Variants in KCNG2 observed in about 807,000 individuals in gnomAD.
The protein encoded by KCNG2 is voltage-gated potassium channel regulatory subunit KCNG2.
KCNG2 carries 7 observed loss-of-function variants against 12.3 expected under a neutral mutation model. The ratio of observed to expected loss-of-function variants is 0.57; its 90% CI spans 0.32 to 1.07. The LOEUF is 1.07. KCNG2 is among the 50% of genes least tolerant of loss of function. KCNG2 has a pLI of 0.04. For synonymous variants in KCNG2, 414 were observed against 351.4 expected (o/e 1.18, Z -1.99); for missense variants, 703 against 726.0 (o/e 0.97, Z 0.36).
intron 1 of KCNG2, among the ~76,000 whole-genome samples, chr18:79,851,835 AAT>A (rs1198833801): frequency 4.6e-5 from 7 of 151,954 alleles, no homozygotes; most frequent in Non-Finnish European, 1.0e-4. Flanking sequence ...GGTGTGTGTG[AAT>A]ATGAGTGTGT....
At chr18:79,858,362 C>T (rs1039947201) in intron 2 of KCNG2, among the ~76,000 whole-genome samples, 6 of 152,222 alleles carry the variant, frequency 3.9e-5, no homozygotes, top group African/African-American at 1.4e-4. Flanking sequence ...GCTTCTTTCT[C>T]TTAGCATAGG....
At chr18:79,825,524 C>T (rs1346443127) in intron 1 of KCNG2, among the ~76,000 whole-genome samples, 2 of 152,180 alleles carry the variant, frequency 1.3e-5, no homozygotes, top group East Asian at 3.9e-4. Flanking sequence ...ATAGCTTTAA[C>T]GCCTGAGAGT....
intron 1 of KCNG2, among the ~76,000 whole-genome samples, chr18:79,855,644 T>C (rs1978983268): frequency 6.6e-6 from 1 of 151,984 alleles, no homozygotes; most frequent in Non-Finnish European, 1.5e-5. Context: ...TGAAACCTTC[T>C]GGTACTGGCT....
intron 3 of KCNG2, among the ~76,000 whole-genome samples, chr18:79,873,097 GCAGGGTGGGC>G (rs1359630114): frequency 6.6e-6 from 1 of 152,208 alleles, no homozygotes; most frequent in African/African-American, 2.4e-5. Flanking sequence ...AGGATGGGCA[GCAGGGTGGGC>G]CAGGGTGGTT....
rs1164781701 is a variant in KCNG2, at chr18:79,835,860, G to T, written c.-114-20519G>T. ...CAGTGGACCATGACAGGTTGTGTGTGTATAATGTAATACCTAGAACAGATA... is the reference window on the plus strand; with the variant it reads ...CAGTGGACCATGACAGGTTGTGTGTTTATAATGTAATACCTAGAACAGATA... On this transcript the variant is annotated intron_variant, in intron 1 of 3. Transcript: ENST00000316249. Among the ~76,000 whole-genome samples, 12 of 152,188 alleles carry T rather than the reference G, an allele frequency of 7.9e-5. 1 individual carries two copies.
intron 1 of KCNG2, among the ~76,000 whole-genome samples, chr18:79,802,454 G>A (rs982034494): frequency 9.2e-5 from 14 of 152,054 alleles, no homozygotes; most frequent in East Asian, 7.7e-4. Context: ...GCTCCGGTCC[G>A]GAGAGCCTGG....
intron 1 of KCNG2, among the ~76,000 whole-genome samples, chr18:79,819,359 G>T (rs1169435364): frequency 6.6e-6 from 1 of 152,226 alleles, no homozygotes; most frequent in Non-Finnish European, 1.5e-5. Context: ...TGGCTGTACG[G>T]GTGAGGCTGA....
At chr18:79,895,177 G>T (rs1432397505) in intron 3 of KCNG2, among the ~76,000 whole-genome samples, 1 of 151,064 alleles carries the variant, frequency 6.6e-6, no homozygotes, top group Non-Finnish European at 1.5e-5. Flanking sequence ...CTTTTGATTG[G>T]GTTGTTCACT....
At chr18:79,898,585 T>TG (rs1315381779) in intron 3 of KCNG2, among the ~76,000 whole-genome samples, 2 of 151,906 alleles carry the variant, frequency 1.3e-5, no homozygotes, top group East Asian at 1.9e-4. Flanking sequence ...GAGGTGGGGG[T>TG]GGGGGTCTGT....
Position 79,803,360 on chromosome 18 carries a change from C to G in KCNG2, c.-115+5346C>G, listed in dbSNP as rs1484027826. ...GAGGTTCACAGCCACTTCAAGATGA[C>G]AGTTTCTGACTGTGAACAAATTTCC... On this transcript the variant is annotated intron_variant, in intron 1 of 3. Coordinates refer to ENST00000316249, the MANE Select transcript of KCNG2 (RefSeq NM_012283.2). The surrounding 1 kb of genome is among the most constrained non-coding windows in gnomAD (Gnocchi z 4.5). Among the ~76,000 whole-genome samples, 1 of 152,224 alleles carries G rather than the reference C, an allele frequency of 6.6e-6. No homozygotes were observed. Among genetic ancestry groups the G allele is most frequent in the African/African-American group, 2.4e-5 (1 of 41,462 alleles).
chr18:79,882,774 TACACCTGCGCGTGG>T (rs1980353036), intron 3 of KCNG2, among the ~76,000 whole-genome samples: 1 of 145,008 alleles, frequency 6.9e-6, no homozygotes, highest in African/African-American at 2.5e-5. Flanking sequence ...GGAGGCCGGG[TACACCTGCGCGTGG>T]AGCGCGGAGG....
At chr18:79,842,334 A>C (rs1265135348) in intron 1 of KCNG2, among the ~76,000 whole-genome samples, 2 of 152,204 alleles carry the variant, frequency 1.3e-5, no homozygotes, top group African/African-American at 4.8e-5. Flanking sequence ...TTGCCCAGAT[A>C]ATCTCTGGGT....
intron 1 of KCNG2, among the ~76,000 whole-genome samples, chr18:79,854,485 G>A (rs572037212): frequency 3.3e-5 from 5 of 151,504 alleles, no homozygotes; most frequent in South Asian, 4.2e-4. Context: ...CCTGCCTTCC[G>A]TAAGGCTGGT....
At chr18:79,889,227 C>T (rs190794690) in intron 3 of KCNG2, among the ~76,000 whole-genome samples, 85 of 152,280 alleles carry the variant, frequency 5.6e-4, no homozygotes, top group African/African-American at 1.8e-3. Context: ...AATCCTTTGT[C>T]GTGAAGATTT....
At chr18:79,865,251 C>G (rs1348301900) in intron 3 of KCNG2, among the ~76,000 whole-genome samples, 3 of 108,540 alleles carry the variant, frequency 2.8e-5, no homozygotes, top group Non-Finnish European at 5.4e-5. Context: ...AGTGTGGGTG[C>G]TGAGGTCTGG....
intron 1 of KCNG2, among the ~76,000 whole-genome samples, chr18:79,847,177 C>T (rs1978655106): frequency 6.6e-6 from 1 of 152,246 alleles, no homozygotes; most frequent in African/African-American, 2.4e-5. Context: ...TGAGCTTCCT[C>T]CTTGCTTTGC....
rs147611590 is a variant in KCNG2 at position 79,853,853 on chromosome 18, G to A, written c.-114-2526G>A. On this transcript the variant is annotated intron_variant, in intron 1 of 3. Transcript: ENST00000316249. Reference sequence around the variant, plus strand: ...CCCGAGACGGGCGCCACCCCAGGGCGGGCACTACTTGAGTGGCAGGTGCCT... The same window carrying A: ...CCCGAGACGGGCGCCACCCCAGGGCAGGCACTACTTGAGTGGCAGGTGCCT... 3.7e-4 allele frequency among the ~76,000 whole-genome samples: 57 copies of A among 152,340 alleles called. No individual in the cohort carries two copies. The East Asian group carries it at 8.1e-3, about 22-fold the overall frequency.
chr18:79,821,905 C>G (rs888530257), intron 1 of KCNG2, among the ~76,000 whole-genome samples: 7 of 152,140 alleles, frequency 4.6e-5, no homozygotes, highest in African/African-American at 1.7e-4. Context: ...ATTGACTATT[C>G]GTGGTCCGTT....
chr18:79,804,995 G>C (rs1231010048), intron 1 of KCNG2, among the ~76,000 whole-genome samples: 40 of 152,144 alleles, frequency 2.6e-4, no homozygotes, highest in Admixed American at 2.6e-3. Context: ...CATGTTTGGG[G>C]TTATTTCACA....
Sources: allele counts gnomAD v4.1 joint callset (sites outside exome capture counted in the v4.1 genomes callset), GRCh38; gene constraint gnomAD v4.1.1; non-coding constraint Gnocchi (gnomAD v3.1); transcripts MANE v1.5; gene names NCBI Gene and HGNC (gene_info 2026-07-23, HGNC 2026-07-21).